The following FER variants were observed in gnomAD, a reference collection of about 807,000 sequenced individuals.
FER encodes tyrosine-protein kinase Fer.
In FER, 63 loss-of-function variants were observed where a neutral mutation model predicts 111.0. The observed-to-expected ratio is 0.57, with a 90% CI of 0.46 to 0.70. FER has a LOEUF of 0.70. FER is among the 30% of genes least tolerant of loss of function. The pLI is 0.00. For missense variants in FER, 914 were observed against 954.0 expected (o/e 0.96, Z 0.55); for synonymous variants, 327 against 313.9 (o/e 1.04, Z -0.44).
chr5:108,865,922 G>A (rs1319492500), intron 5 of FER, among the ~76,000 whole-genome samples: 2 of 151,882 alleles, frequency 1.3e-5, no homozygotes, highest in East Asian at 1.9e-4. Flanking sequence ...CAATCATTAA[G>A]AAGTCAGGAA....
intron 5 of FER, among the ~76,000 whole-genome samples, chr5:108,856,339 T>C (rs979910022): frequency 1.3e-5 from 2 of 152,166 alleles, no homozygotes; most frequent in African/African-American, 4.8e-5. Flanking sequence ...AAGTTTTTTT[T>C]CCCACTCATT....
At position 108,978,711 on chromosome 5, in the gene FER, A is replaced by C. The variant is rs377145684; in HGVS notation, c.1656+19364A>C. Among the ~76,000 whole-genome samples, 18 of 152,332 alleles carry C rather than the reference A, an allele frequency of 1.2e-4. No homozygotes were observed. The South Asian group carries it at 3.7e-3, about 32-fold the overall frequency. On this transcript the variant is annotated intron_variant, in intron 13 of 19. Coordinates refer to ENST00000281092, the MANE Select transcript of FER (RefSeq NM_005246.4). ...TTGAGAGAATGTTTTAAAGAACAGAACACTATATATACTCATAGATGCAAA... is the reference window on the plus strand; with the variant it reads ...TTGAGAGAATGTTTTAAAGAACAGACCACTATATATACTCATAGATGCAAA...
chr5:109,146,208 T>TATA (rs1554148239), intron 17 of FER, among the ~76,000 whole-genome samples: 1 of 88,460 alleles, frequency 1.1e-5, no homozygotes, highest in East Asian at 2.6e-4. Flanking sequence ...AATCTATCTA[T>TATA]TTTATATATA....
intron 5 of FER, among the ~76,000 whole-genome samples, chr5:108,849,592 T>C (rs1000661584): frequency 1.3e-5 from 2 of 152,296 alleles, no homozygotes; most frequent in South Asian, 2.1e-4. Flanking sequence ...TTGAACATAC[T>C]GAATACCACT....
chr5:109,057,975 A>C (rs1430909173), intron 16 of FER, among the ~76,000 whole-genome samples: 1 of 152,212 alleles, frequency 6.6e-6, no homozygotes, highest in African/African-American at 2.4e-5. Context: ...TAAAAATTCT[A>C]AGCACAATTT....
chr5:108,783,459 G>A (rs1754324564), intron 2 of FER, among the ~76,000 whole-genome samples: 1 of 151,986 alleles, frequency 6.6e-6, no homozygotes, highest in African/African-American at 2.4e-5. Context: ...GTTTGCATTG[G>A]TTGATTGTCT....
intron 16 of FER, among the ~76,000 whole-genome samples, chr5:109,058,463 T>C (rs1773919232): frequency 6.6e-6 from 1 of 152,108 alleles, no homozygotes; most frequent in Non-Finnish European, 1.5e-5. Context: ...GGTAAGATAC[T>C]GTAGTATTAT....
intron 10 of FER, among the ~76,000 whole-genome samples, chr5:108,934,645 C>G (rs1241557132): frequency 1.3e-5 from 2 of 152,048 alleles, no homozygotes; most frequent in African/African-American, 2.4e-5. Flanking sequence ...GCTAGCGAAG[C>G]AAATAAAAAG....
At chr5:108,792,275 TTTC>T (rs1755465726) in intron 2 of FER, among the ~76,000 whole-genome samples, 1 of 152,254 alleles carries the variant, frequency 6.6e-6, no homozygotes, top group African/African-American at 2.4e-5. Context: ...TTGGAGAATC[TTTC>T]TTAACAATAT....
chr5:108,999,913 C>G (rs1764500356), intron 13 of FER, among the ~76,000 whole-genome samples: 2 of 152,006 alleles, frequency 1.3e-5, no homozygotes, highest in Middle Eastern at 3.4e-3. Flanking sequence ...GAGGAAAGCC[C>G]TTTACTATAA....
At chr5:109,182,647 G>C (rs113216764) in intron 18 of FER, among the ~76,000 whole-genome samples, 2 of 152,180 alleles carry the variant, frequency 1.3e-5, no homozygotes, top group Non-Finnish European at 2.9e-5. Context: ...CAGATTCTCT[G>C]TGTTATATAG....
chr5:108,842,725 TA>T (rs1439466199), intron 5 of FER: 1 of 152,030 alleles, frequency 6.6e-6, no homozygotes, highest in Non-Finnish European at 1.5e-5. Flanking sequence ...ATGGCCATAA[TA>T]CAAAAACAAA....
At chr5:109,166,074 C>T (rs1327378867) in intron 17 of FER, among the ~76,000 whole-genome samples, 2 of 151,908 alleles carry the variant, frequency 1.3e-5, no homozygotes, top group Non-Finnish European at 2.9e-5. Context: ...TGCTTGATTA[C>T]AGGAAAACTT....
At chr5:109,041,132 C>T (rs1021923572) in intron 14 of FER, among the ~76,000 whole-genome samples, 2 of 152,060 alleles carry the variant, frequency 1.3e-5, no homozygotes, top group African/African-American at 4.8e-5. Flanking sequence ...TAAGGGCCCC[C>T]TAAGGGTTTG....
chr5:109,066,075 A>G (rs567317183), intron 16 of FER, among the ~76,000 whole-genome samples: 1 of 152,296 alleles, frequency 6.6e-6, no homozygotes, highest in South Asian at 2.1e-4. Flanking sequence ...GAGATTACAT[A>G]TATTAAATAT....
chr5:109,015,616 G>C (rs1183443665), intron 13 of FER, among the ~76,000 whole-genome samples: 1 of 151,980 alleles, frequency 6.6e-6, no homozygotes, highest in Non-Finnish European at 1.5e-5. Context: ...ACATAAGCAT[G>C]AACAGAACTG....
Position 109,010,845 on chromosome 5 carries a change from G to A in FER, c.1657-26577G>A, listed in dbSNP as rs552828478. Among the ~76,000 whole-genome samples the A allele has an allele frequency of 2.0e-5, 3 of 152,214 alleles. No individual in the cohort carries two copies. The South Asian group carries it at 6.2e-4, about 32-fold the overall frequency. On this transcript the variant is annotated intron_variant, in intron 13 of 19. Transcript: ENST00000281092. ...TTTGTATTTTAATACTAGTATTTGA[G>A]TAATTTACAGTGTTTTTGAGTTTTG...
In FER at chr5:108,985,795, A is replaced by G. The variant is rs920883878; in HGVS notation, c.1656+26448A>G. 5.3e-5 allele frequency among the ~76,000 whole-genome samples: 8 copies of G among 152,098 alleles called. No individual in the cohort carries two copies. In the South Asian group the frequency reaches 1.7e-3, roughly 32 times the overall value. On this transcript the variant is annotated intron_variant, in intron 13 of 19. Transcript: ENST00000281092. ...TTCTGTTTTATGGCTGAATAGTGTTATATGGTATATATACACCACAATTTC... is the reference window on the plus strand; with the variant it reads ...TTCTGTTTTATGGCTGAATAGTGTTGTATGGTATATATACACCACAATTTC...
intron 3 of FER, among the ~76,000 whole-genome samples, chr5:108,814,785 G>A (rs1758114422): frequency 1.3e-5 from 2 of 152,124 alleles, no homozygotes; most frequent in South Asian, 2.1e-4. Context: ...ACTCTAGTTC[G>A]AATGCCTCTG....
Sources: allele counts gnomAD v4.1 joint callset (sites outside exome capture counted in the v4.1 genomes callset), GRCh38; gene constraint gnomAD v4.1.1; transcripts MANE v1.5; gene names NCBI Gene and HGNC (gene_info 2026-07-23, HGNC 2026-07-21).